The following ADI1 variants were observed in gnomAD, a reference collection of about 807,000 sequenced individuals.
ADI1 encodes the protein acireductone dioxygenase.
ADI1 carries 21 observed loss-of-function variants against 18.7 expected under a neutral mutation model. That is an observed-to-expected ratio of 1.13 (90% CI 0.80 to 1.62). ADI1 has a LOEUF of 1.62. ADI1 is among the 40% of genes most tolerant of loss of function. The pLI is 0.00. For missense variants in ADI1, 245 were observed against 254.9 expected, an observed-to-expected ratio of 0.96 and a Z score of 0.26; for synonymous variants, 90 against 100.1, an observed-to-expected ratio of 0.90 and a Z score of 0.60.
At chr2:3,501,064 C>CA (rs1666994832) in intron 2 of ADI1, 71 bp from the exon 3 acceptor site, 1 of 1,404,528 alleles carries the variant, frequency 7.1e-7, no homozygotes, top group Admixed American at 2.6e-5. Flanking sequence ...ACCCACTCAG[C>CA]AGCCTGAGCC....
At chr2:3,512,414 A>G (rs1238725527) in intron 2 of ADI1, among the ~76,000 whole-genome samples, 1 of 152,318 alleles carries the variant, frequency 6.6e-6, no homozygotes, top group East Asian at 1.9e-4. Context: ...GAATGGTTTC[A>G]TGGGTCAGGC....
intron 2 of ADI1, among the ~76,000 whole-genome samples, chr2:3,509,919 G>C (rs2103209708): frequency 6.6e-6 from 1 of 152,074 alleles, no homozygotes; most frequent in African/African-American, 2.4e-5. Flanking sequence ...CAAGACAGGA[G>C]GATCACCTGA....
At chr2:3,509,965 G>T (rs902635683) in intron 2 of ADI1, among the ~76,000 whole-genome samples, 1 of 152,024 alleles carries the variant, frequency 6.6e-6, no homozygotes, top group Non-Finnish European at 1.5e-5. Context: ...CCAACATGGA[G>T]AAACCCCGTA....
chr2:3,519,450 T>C lies in ADI1; in HGVS notation c.38A>G (p.Asp13Gly). 1.5e-6 allele frequency: 2 copies of C among 1,355,250 alleles called. No homozygotes were observed. The highest frequency in any genetic ancestry group is 9.4e-7 in the Non-Finnish European group (1 of 1,058,598). The allele number at this position is 1,355,250 out of a possible 1,614,324, so 84.0% of individuals were successfully genotyped here. Residue 13 changes from aspartate (D) to glycine (G), a missense_variant, in exon 1 of 4, where the codon GAC (aspartate) becomes GGC (glycine). Coordinates refer to ENST00000327435, the MANE Select transcript of ADI1 (RefSeq NM_018269.4). Reference protein sequence around the residue: ...QAWYMDDAPGDPRQPHRPDPG... With the variant: ...QAWYMDDAPGGPRQPHRPDPG... ...GTCGGGGCGGTGGGGTTGCCGCGGGTCGCCCGGGGCGTCGTCCATATACCA... is the reference window on the plus strand; with the variant it reads ...GTCGGGGCGGTGGGGTTGCCGCGGGCCGCCCGGGGCGTCGTCCATATACCA...
At position 3,513,840 on chromosome 2, in the gene ADI1, A is replaced by T; in HGVS notation, c.240+17T>A. 1 of 1,584,254 alleles carries T rather than the reference A, an allele frequency of 6.3e-7. No individual in the cohort carries two copies. Among genetic ancestry groups the T allele is most frequent in the African/African-American group, 1.4e-5 (1 of 73,094 alleles). On this transcript the variant is annotated intron_variant, in intron 2 of 3. Coordinates refer to ENST00000327435, the MANE Select transcript of ADI1 (RefSeq NM_018269.4). The stretch of plus-strand genomic sequence containing the variant: ...TATAATGATACTTCTTTTCCAGGTA[A>T]TCCAGGGCTCCCTTACCTTTTCTTC...
chr2:3,512,287 C>T (rs1667307955), intron 2 of ADI1, among the ~76,000 whole-genome samples: 1 of 152,230 alleles, frequency 6.6e-6, no homozygotes, highest in African/African-American at 2.4e-5. Flanking sequence ...AGACCTCTTC[C>T]TAGAGAAATC....
In ADI1 at chr2:3,500,875, T is replaced by A; in HGVS notation, c.359A>T (p.Glu120Val). The A allele has an allele frequency of 6.2e-7, 1 of 1,614,172 alleles. No homozygotes were observed. Among genetic ancestry groups the A allele is most frequent in the Non-Finnish European group, 8.5e-7 (1 of 1,180,020 alleles). The change falls in exon 3 of 4, where the codon GAG (glutamate) becomes GTG (valine). Residue 120 changes from glutamate to valine, a missense_variant. Glu to Val is a moderately radical substitution (Grantham distance 121). Coordinates refer to ENST00000327435, the MANE Select transcript of ADI1 (RefSeq NM_018269.4). ...KEDQWIRIFM[E>V]KGDMVTLPAG... ...GGGGAGCGTCACCATGTCTCCCTTC[T>A]CCATGAAGATCCGGATCCACTGGTC...
At chr2:3,514,074 T>TTTATCATTTG (rs1171649943) in intron 1 of ADI1, 98 bp from the exon 2 acceptor site, 1 of 1,402,782 alleles carries the variant, frequency 7.1e-7, no homozygotes, top group Non-Finnish European at 9.5e-7. Context: ...ATACTCCAAA[T>TTTATCATTTG]TTATCATTTG....
intron 2 of ADI1, among the ~76,000 whole-genome samples, chr2:3,512,166 A>C (rs1443716386): frequency 1.3e-5 from 2 of 152,254 alleles, no homozygotes; most frequent in African/African-American, 4.8e-5. Context: ...TTGAGAGAGG[A>C]TTTCAAGCAG....
intron 2 of ADI1, among the ~76,000 whole-genome samples, chr2:3,510,143 C>CA (rs757457209): frequency 0.012 from 812 of 66,158 alleles, 5 homozygotes; most frequent in Middle Eastern, 0.058. Context: ...AACTCTGTCT[C>CA]AAAAAAAAAA....
intron 3 of ADI1, 104 bp downstream of exon 3, chr2:3,500,710 G>T (rs191945648): frequency 6.7e-7 from 1 of 1,484,156 alleles, no homozygotes; most frequent in Non-Finnish European, 9.3e-7. Context: ...CGAGCCCAGC[G>T]ACCGCGCTTG....
intron 1 of ADI1, chr2:3,515,167 C>A: frequency 5.4e-6 from 1 of 185,322 alleles, no homozygotes; most frequent in East Asian, 1.4e-4. Context: ...CAGGCAAAAA[C>A]ACCCATATTT....
chr2:3,504,174 G>A (rs769414308), intron 2 of ADI1, among the ~76,000 whole-genome samples: 1 of 152,228 alleles, frequency 6.6e-6, no homozygotes, highest in Non-Finnish European at 1.5e-5. Context: ...CATCAGCAGT[G>A]AGGGGCCCTC....
chr2:3,499,972 G>A lies in ADI1; in HGVS notation c.420+842C>T, dbSNP rs190340419. On this transcript the variant is annotated intron_variant, in intron 3 of 3. Transcript: ENST00000327435. Reference sequence around the variant, plus strand: ...CCCAGCTACTCAGGAGGCTGAGGCAGGAGAATCGCTTGAGCTTGGGAGGTG... The same window carrying A: ...CCCAGCTACTCAGGAGGCTGAGGCAAGAGAATCGCTTGAGCTTGGGAGGTG... Among the ~76,000 whole-genome samples, 90 of 152,106 alleles carry A rather than the reference G, an allele frequency of 5.9e-4. 1 individual carries two copies. The East Asian group carries it at 0.013, about 22-fold the overall frequency.
At chr2:3,504,796 G>T (rs35239575) in intron 2 of ADI1, among the ~76,000 whole-genome samples, 34,755 of 150,914 alleles carry the variant, frequency 0.23, 4,735 homozygotes, top group African/African-American at 0.38. Context: ...TTGTATTGTT[G>T]GTTCACCTGA....
intron 2 of ADI1, among the ~76,000 whole-genome samples, chr2:3,501,596 C>T (rs922092160): frequency 2.6e-5 from 4 of 152,022 alleles, no homozygotes; most frequent in Admixed American, 2.6e-4. Flanking sequence ...TGCAGTGGCA[C>T]AATCTCAGCT....
intron 2 of ADI1, among the ~76,000 whole-genome samples, chr2:3,507,335 A>T (rs1264521709): frequency 6.6e-6 from 1 of 152,244 alleles, no homozygotes; most frequent in East Asian, 1.9e-4. Flanking sequence ...CTGAGAGAAC[A>T]CCAAGCAGGA....
intron 2 of ADI1, among the ~76,000 whole-genome samples, chr2:3,502,775 ATTATT>A (rs1383469177): frequency 1.3e-5 from 2 of 152,140 alleles, no homozygotes; most frequent in Admixed American, 6.5e-5. Flanking sequence ...TCTTGAACAT[ATTATT>A]TTGACTACAT....
chr2:3,518,558 C>T (rs1667457735), intron 1 of ADI1, among the ~76,000 whole-genome samples: 1 of 152,236 alleles, frequency 6.6e-6, no homozygotes, highest in Admixed American at 6.5e-5. Flanking sequence ...AGAGGCAGGG[C>T]TGACACCGGG....
Sources: allele counts gnomAD v4.1 joint callset (sites outside exome capture counted in the v4.1 genomes callset), GRCh38; gene constraint gnomAD v4.1.1; transcripts MANE v1.5; gene names NCBI Gene and HGNC (gene_info 2026-07-23, HGNC 2026-07-21).